TTLL11: variants seen among roughly 807,000 people sequenced by gnomAD.
TTLL11 encodes the protein tubulin tyrosine ligase like 11.
A neutral mutation model predicts 51.7 loss-of-function variants in TTLL11; 42 were observed. The ratio of observed to expected loss-of-function variants is 0.81; its 90% CI spans 0.64 to 1.05. The LOEUF is 1.05. Among genes scored for constraint, TTLL11 ranks in the 50% least tolerant of loss-of-function variants. The pLI, the probability that TTLL11 is intolerant of heterozygous loss-of-function variation, is 0.00. For missense variants in TTLL11, 799 were observed against 940.4 expected, an observed-to-expected ratio of 0.85 and a Z score of 1.97; for synonymous variants, 381 against 383.5, an observed-to-expected ratio of 0.99 and a Z score of 0.08.
At chr9:122,008,286 A>C (rs1843707593) in intron 3 of TTLL11, among the ~76,000 whole-genome samples, 1 of 152,226 alleles carries the variant, frequency 6.6e-6, no homozygotes, top group Non-Finnish European at 1.5e-5. Flanking sequence ...CGACCAAATA[A>C]AGAGACAACC....
chr9:122,051,894 C>T (rs984788912), intron 1 of TTLL11, among the ~76,000 whole-genome samples: 6 of 151,930 alleles, frequency 3.9e-5, no homozygotes, highest in South Asian at 4.2e-4. Flanking sequence ...AGAGAGACCT[C>T]GAGACCAAAT....
chr9:121,900,871 C>T (rs545234747), intron 6 of TTLL11, among the ~76,000 whole-genome samples: 2 of 152,114 alleles, frequency 1.3e-5, no homozygotes, highest in South Asian at 4.1e-4. Flanking sequence ...TGCAGTGGTA[C>T]TATCACGGCT....
rs1279586984 is a variant in TTLL11, at chr9:121,829,808, CA to C, written c.1841-6930del. On this transcript the variant is annotated intron_variant, in intron 8 of 8. Coordinates refer to ENST00000321582, the MANE Select transcript of TTLL11 (RefSeq NM_001139442.2). ...ACACACACACACACACACACACACA[CA>C]CACACCACACACACACACAATTTTA... Among the ~76,000 whole-genome samples the C allele has an allele frequency of 6.0e-5, 9 of 150,762 alleles. No individual in the cohort carries two copies. In the South Asian group the frequency reaches 6.4e-4, roughly 11 times the overall value.
intron 1 of TTLL11, among the ~76,000 whole-genome samples, chr9:122,072,603 C>G (rs1283772199): frequency 6.6e-6 from 1 of 152,130 alleles, no homozygotes; most frequent in Non-Finnish European, 1.5e-5. Context: ...GAGATCGTGC[C>G]ACTGCACTCC....
chr9:121,970,999 G>T (rs1270102425), intron 6 of TTLL11, among the ~76,000 whole-genome samples: 2 of 151,846 alleles, frequency 1.3e-5, no homozygotes, highest in Non-Finnish European at 2.9e-5. Context: ...CCGGCCAGCC[G>T]CCCCATCCGG....
intron 6 of TTLL11, among the ~76,000 whole-genome samples, chr9:121,965,713 C>A (rs114188455): frequency 2.0e-5 from 3 of 152,184 alleles, no homozygotes; most frequent in Admixed American, 6.5e-5. Flanking sequence ...TCTGTGCTTA[C>A]GACAGCATGC....
intron 7 of TTLL11, among the ~76,000 whole-genome samples, chr9:121,861,018 T>C (rs1837989274): frequency 6.6e-6 from 1 of 152,084 alleles, no homozygotes; most frequent in African/African-American, 2.4e-5. Flanking sequence ...TCCTGTAAGT[T>C]CAGCCATTTG....
At chr9:121,901,321 T>C (rs1839768653) in intron 6 of TTLL11, among the ~76,000 whole-genome samples, 1 of 152,138 alleles carries the variant, frequency 6.6e-6, no homozygotes, top group Admixed American at 6.5e-5. Flanking sequence ...CCTATTTGGA[T>C]GCCTTTTACT....
intron 6 of TTLL11, among the ~76,000 whole-genome samples, chr9:121,956,093 A>T (rs1842006612): frequency 6.6e-6 from 1 of 152,246 alleles, no homozygotes. Flanking sequence ...ACAGGCTGCC[A>T]TGTTACACTG....
intron 8 of TTLL11, among the ~76,000 whole-genome samples, chr9:121,851,860 C>T (rs1465250654): frequency 5.9e-5 from 9 of 152,128 alleles, no homozygotes; most frequent in South Asian, 2.1e-4. Context: ...CTCACAGCCC[C>T]GAGAGCTCCC....
In TTLL11 at chr9:122,092,876, G is replaced by A; in HGVS notation, c.273C>T (p.Ser91=). 6.4e-7 allele frequency: 1 copy of A among 1,571,314 alleles called. No homozygotes were observed. The highest frequency in any genetic ancestry group is 8.6e-7 in the Non-Finnish European group (1 of 1,166,380). ...AGAGGCCCTGCACCGGCTTCGGCTT[G>A]GACGGGGGCAGCGTGGGCGGCGGCC... The part of the protein sequence containing the change: ...LQRPPPTLPP[S]KPKPVQGLCP... Residue 91 remains serine, a synonymous_variant, in exon 1 of 9, where the codon TCC becomes TCT. Transcript: ENST00000321582.
Position 121,886,828 on chromosome 9 carries a change from T to C in TTLL11, c.1482-16080A>G, listed in dbSNP as rs540426120. Among the ~76,000 whole-genome samples, 6 of 152,296 alleles carry C rather than the reference T, an allele frequency of 3.9e-5. No homozygotes were observed. In the South Asian group the frequency reaches 1.0e-3, roughly 26 times the overall value. The stretch of plus-strand genomic sequence containing the variant: ...AGCACTAAAACATTCTCAGTCAATA[T>C]CCTGGAAACTTCTTTCCCAAGGCAC... On this transcript the variant is annotated intron_variant, in intron 6 of 8. Transcript: ENST00000321582.
chr9:121,835,691 T>C (rs1837162052), intron 8 of TTLL11, among the ~76,000 whole-genome samples: 1 of 152,214 alleles, frequency 6.6e-6, no homozygotes, highest in Admixed American at 6.5e-5. Flanking sequence ...ATTTCATTAA[T>C]CACAGGTCAT....
In TTLL11 at chr9:121,989,895, G is replaced by A; in HGVS notation, c.694-125C>T. Reference sequence around the variant, plus strand: ...GATGATCCCTGCCGATCTGAGCAGGGGCTGAGCATCTTCCATGGAGATGAC... The same window carrying A: ...GATGATCCCTGCCGATCTGAGCAGGAGCTGAGCATCTTCCATGGAGATGAC... On this transcript the variant is annotated intron_variant, in intron 3 of 8. Transcript: ENST00000321582. The surrounding 1 kb of genome is among the most constrained non-coding windows in gnomAD (Gnocchi z 4.2). The A allele has an allele frequency of 6.7e-7, 1 of 1,490,198 alleles. No homozygotes were observed. The highest frequency in any genetic ancestry group is 8.9e-7 in the Non-Finnish European group (1 of 1,129,366). 92.3% of individuals were successfully genotyped at this position (1,490,198 alleles called of 1,614,324 possible).
chr9:121,981,688 G>T (rs1259612207), intron 4 of TTLL11, among the ~76,000 whole-genome samples: 1 of 152,064 alleles, frequency 6.6e-6, no homozygotes, highest in Non-Finnish European at 1.5e-5. Flanking sequence ...GCTTTGTTTT[G>T]GCAGTCAGTT....
intron 7 of TTLL11, among the ~76,000 whole-genome samples, chr9:121,868,194 C>T (rs1343609669): frequency 6.6e-6 from 1 of 152,130 alleles, no homozygotes; most frequent in Non-Finnish European, 1.5e-5. Flanking sequence ...TCTCATAATT[C>T]TCCGGGGCCC....
At chr9:121,998,921 T>C (rs7019348) in intron 3 of TTLL11, among the ~76,000 whole-genome samples, 1 of 152,338 alleles carries the variant, frequency 6.6e-6, no homozygotes, top group South Asian at 2.1e-4. Flanking sequence ...ATTATGGGCA[T>C]GAGCCACTGT....
intron 6 of TTLL11, among the ~76,000 whole-genome samples, chr9:121,926,964 C>T (rs529043447): frequency 4.6e-5 from 7 of 152,214 alleles, no homozygotes; most frequent in Admixed American, 2.0e-4. Context: ...GAGCCTCGCA[C>T]GGTGGAAAGA....
At chr9:121,827,969 G>T (rs12353254) in intron 8 of TTLL11, among the ~76,000 whole-genome samples, 1 of 152,102 alleles carries the variant, frequency 6.6e-6, no homozygotes, top group East Asian at 1.9e-4. Flanking sequence ...AATGGTTGAC[G>T]TTCTGCCAGG....
Sources: allele counts gnomAD v4.1 joint callset (sites outside exome capture counted in the v4.1 genomes callset), GRCh38; gene constraint gnomAD v4.1.1; non-coding constraint Gnocchi (gnomAD v3.1); transcripts MANE v1.5; gene names NCBI Gene and HGNC (gene_info 2026-07-23, HGNC 2026-07-21).